PPP1R12A: variants seen among roughly 807,000 people sequenced by gnomAD.
PPP1R12A encodes the protein myosin binding subunit.
Under a neutral mutation model 139.6 loss-of-function variants are expected in PPP1R12A, and 19 were observed. That is an observed-to-expected ratio of 0.14 (90% CI 0.09 to 0.20). The LOEUF is 0.20. PPP1R12A is among the 10% of genes least tolerant of loss of function. The pLI, the probability that PPP1R12A is intolerant of heterozygous loss-of-function variation, is 1.00. For synonymous variants in PPP1R12A, 427 were observed against 420.6 expected, an observed-to-expected ratio of 1.02 and a Z score of -0.19; for missense variants, 925 against 1,211.5, an observed-to-expected ratio of 0.76 and a Z score of 3.51.
upstream of PPP1R12A, chr12:79,935,220 G>A (rs917497980): frequency 2.3e-6 from 3 of 1,279,264 alleles, no homozygotes; most frequent in Admixed American, 4.2e-5. Context: ...ACTGGGAGGC[G>A]CCCTTCGACC....
At chr12:79,920,226 G>A (rs1266434324) in intron 1 of PPP1R12A, among the ~76,000 whole-genome samples, 5 of 152,126 alleles carry the variant, frequency 3.3e-5, no homozygotes, top group African/African-American at 9.7e-5. Flanking sequence ...ATAATATTCC[G>A]CTGATTCCAG....
intron 3 of PPP1R12A, among the ~76,000 whole-genome samples, chr12:79,842,825 G>A (rs764972346): frequency 7.2e-5 from 11 of 151,934 alleles, no homozygotes; most frequent in Admixed American, 2.0e-4. Context: ...CCCCTTAGCT[G>A]GGATTACAGG....
At position 79,775,160 on chromosome 12, in the gene PPP1R12A, T is replaced by G. The variant is rs1869595410; in HGVS notation, c.*769A>C. 6.6e-6 allele frequency: 1 copy of G among 152,496 alleles called. No homozygotes were observed. The highest frequency in any genetic ancestry group is 2.4e-5 in the African/African-American group (1 of 41,424). The allele number at this position is 152,496 out of a possible 1,614,324, so 9.4% of individuals were successfully genotyped here. A position where few individuals can be genotyped will look rare whatever the true frequency, so the allele number is the denominator to read the frequency against. On this transcript the variant is annotated 3_prime_UTR_variant, in exon 25 of 25. Transcript: ENST00000450142. Reference sequence around the variant, plus strand: ...TGTGAAGATTACAGAATCTAACATCTTATACTACAATAAAAAAAAAGTGAC... The same window carrying G: ...TGTGAAGATTACAGAATCTAACATCGTATACTACAATAAAAAAAAAGTGAC...
chr12:79,823,082 C>T (rs990718650), intron 5 of PPP1R12A, among the ~76,000 whole-genome samples: 2 of 152,096 alleles, frequency 1.3e-5, no homozygotes, highest in African/African-American at 4.8e-5. Flanking sequence ...AATTAGTCCA[C>T]ATGAACATAT....
chr12:79,934,291 C>A (rs1484590376), intron 1 of PPP1R12A, among the ~76,000 whole-genome samples: 2 of 152,076 alleles, frequency 1.3e-5, no homozygotes, highest in East Asian at 3.9e-4. Context: ...CCGTAATGCC[C>A]CTTGTTAGTT....
chr12:79,858,813 G>C (rs1207810277), intron 2 of PPP1R12A, among the ~76,000 whole-genome samples: 1 of 152,182 alleles, frequency 6.6e-6, no homozygotes, highest in Non-Finnish European at 1.5e-5. Context: ...CTAGAAAAGA[G>C]TGGAGGATGG....
chr12:79,800,127 A>G (rs189749341), intron 14 of PPP1R12A, among the ~76,000 whole-genome samples: 8 of 152,338 alleles, frequency 5.3e-5, no homozygotes, highest in Admixed American at 3.3e-4. Context: ...CGCTTCATCA[A>G]ATTACACCAC....
chr12:79,857,260 T>G (rs1450863557), intron 2 of PPP1R12A, among the ~76,000 whole-genome samples: 1 of 151,990 alleles, frequency 6.6e-6, no homozygotes, highest in South Asian at 2.1e-4. Flanking sequence ...CCATAAAAAA[T>G]GATGAGTTCA....
chr12:79,790,875 T>C (rs992182647), intron 19 of PPP1R12A, among the ~76,000 whole-genome samples: 16 of 152,216 alleles, frequency 1.1e-4, no homozygotes, highest in African/African-American at 3.9e-4. Flanking sequence ...CTATAATTTA[T>C]TCAGAATGGT....
At chr12:79,815,853 A>G (rs577799130) in intron 9 of PPP1R12A, among the ~76,000 whole-genome samples, 2 of 152,346 alleles carry the variant, frequency 1.3e-5, no homozygotes, top group Admixed American at 6.5e-5. Context: ...ATAAGGTAAG[A>G]TAAGTCATTC....
intron 9 of PPP1R12A, among the ~76,000 whole-genome samples, chr12:79,816,942 A>G (rs1875469069): frequency 6.6e-6 from 1 of 152,094 alleles, no homozygotes; most frequent in African/African-American, 2.4e-5. Context: ...AAAAATTTAG[A>G]TTTTAGTTCT....
Position 79,832,339 on chromosome 12 carries a change from C to A in PPP1R12A, c.640G>T (p.Val214Phe). The change falls in exon 4 of 25, where the codon GTT becomes TTT. Residue 214 changes from valine to phenylalanine, a missense_variant. Val to Phe is a conservative substitution (Grantham distance 50, BLOSUM62 -1). Around this residue, in one of 4 missense-constraint regions of PPP1R12A, gnomAD observed 199 missense variants for 352.4 expected, o/e 0.56. Coordinates refer to ENST00000450142, the MANE Select transcript of PPP1R12A (RefSeq NM_002480.3). ...HVAAAKGYTE[V>F]LKLLIQAGYD... is the part of the protein sequence containing the mutation. Reference sequence around the variant, plus strand: ...GTAAAAAACAATACTTACTTTAAAACTTCCGTATAGCCTTTAGCAGCTGCA... The same window carrying A: ...GTAAAAAACAATACTTACTTTAAAAATTCCGTATAGCCTTTAGCAGCTGCA... 6.3e-7 allele frequency: 1 copy of A among 1,598,946 alleles called. No homozygotes were observed. Among genetic ancestry groups the A allele is most frequent in the Non-Finnish European group, 8.5e-7 (1 of 1,175,314 alleles).
intron 2 of PPP1R12A, among the ~76,000 whole-genome samples, chr12:79,850,451 T>A (rs1411094970): frequency 6.6e-6 from 1 of 152,132 alleles, no homozygotes; most frequent in Admixed American, 6.5e-5. Context: ...GAAGCAAATA[T>A]TTAAGAAAAG....
At chr12:79,814,946 A>G (rs1026064867) in intron 9 of PPP1R12A, among the ~76,000 whole-genome samples, 4 of 152,076 alleles carry the variant, frequency 2.6e-5, no homozygotes, top group Non-Finnish European at 4.4e-5. Context: ...CTTGAAACTG[A>G]GAATAAAATA....
At chr12:79,786,234 A>G in intron 22 of PPP1R12A, 140 bp downstream of exon 22, 1 of 522,398 alleles carries the variant, frequency 1.9e-6, no homozygotes, top group East Asian at 3.6e-5. Context: ...GAAAAAGTAA[A>G]TCATCCATAA....
Position 79,808,473 on chromosome 12 carries a change from A to C in PPP1R12A, c.1550+10T>G, listed in dbSNP as rs1874131768. 1 of 1,561,072 alleles carries C rather than the reference A, an allele frequency of 6.4e-7. No individual in the cohort carries two copies. Among genetic ancestry groups the C allele is most frequent in the African/African-American group, 1.4e-5 (1 of 73,558 alleles). ...TAGTGAATGCATAAAGCAAATCAAAATAAACTCACCTGTTTTCTTTCTCTT... is the reference window on the plus strand; with the variant it reads ...TAGTGAATGCATAAAGCAAATCAAACTAAACTCACCTGTTTTCTTTCTCTT... On this transcript the variant is annotated intron_variant, in intron 11 of 24. Transcript: ENST00000450142.
At chr12:79,877,750 A>T (rs1248281920) in intron 1 of PPP1R12A, among the ~76,000 whole-genome samples, 1 of 152,110 alleles carries the variant, frequency 6.6e-6, no homozygotes, top group Admixed American at 6.5e-5. Flanking sequence ...TCCTGACCTC[A>T]AGTGATCCAC....
chr12:79,889,243 C>A (rs1011090677), intron 1 of PPP1R12A, among the ~76,000 whole-genome samples: 13 of 152,264 alleles, frequency 8.5e-5, no homozygotes, highest in African/African-American at 3.1e-4. Flanking sequence ...TGTGACAGAA[C>A]ATGTCCAGTT....
In PPP1R12A at chr12:79,845,869, T is replaced by C. The variant is rs568117427; in HGVS notation, c.369-449A>G. ...TATATTTCCTAATTTTTCTATAATG[T>C]ACACACGTTGCTTTACCAATACAAA... On this transcript the variant is annotated intron_variant, in intron 2 of 24. Transcript: ENST00000450142. Among the ~76,000 whole-genome samples, 12 of 10,518 alleles carry C rather than the reference T, an allele frequency of 1.1e-3. No individual in the cohort carries two copies. In the Non-Finnish European group the frequency reaches 0.013, roughly 11 times the overall value. The allele number at this position is 10,518 out of a possible 152,430, so 6.9% of individuals were successfully genotyped here.
Sources: allele counts gnomAD v4.1 joint callset (sites outside exome capture counted in the v4.1 genomes callset), GRCh38; gene constraint gnomAD v4.1.1; regional missense constraint gnomAD v4.1.1; transcripts MANE v1.5; gene names NCBI Gene and HGNC (gene_info 2026-07-23, HGNC 2026-07-21).